Variants in MAML3 observed in about 807,000 individuals in gnomAD.
MAML3 encodes the protein mastermind like transcriptional coactivator 3.
A neutral mutation model predicts 101.9 loss-of-function variants in MAML3; 27 were observed. The observed-to-expected ratio is 0.27, with a 90% CI of 0.20 to 0.37. MAML3 has a LOEUF of 0.37. Ranked by LOEUF, MAML3 falls within the 10% of genes least tolerant of loss-of-function variation. The pLI, the probability that MAML3 is intolerant of heterozygous loss-of-function variation, is 1.00. For synonymous variants in MAML3, 501 were observed against 555.9 expected, an observed-to-expected ratio of 0.90 and a Z score of 1.39; for missense variants, 1,316 against 1,444.9, an observed-to-expected ratio of 0.91 and a Z score of 1.45.
At chr4:139,772,829 C>T (rs1730023213) in intron 2 of MAML3, among the ~76,000 whole-genome samples, 1 of 150,118 alleles carries the variant, frequency 6.7e-6, no homozygotes, top group African/African-American at 2.5e-5. Context: ...CCTGTAATCC[C>T]AGCACTTTGG....
intron 1 of MAML3, among the ~76,000 whole-genome samples, chr4:140,117,349 G>A (rs946369250): frequency 1.1e-4 from 16 of 152,050 alleles, no homozygotes; most frequent in African/African-American, 3.6e-4. Context: ...TTTACTTGGT[G>A]CTGCTGACCA....
At position 139,889,510 on chromosome 4, in the gene MAML3, TTGCTGTTGCTGC is replaced by T. The variant is rs760135314; in HGVS notation, c.1914_1925del (p.Gln647_Gln650del). Reference sequence around the variant, plus strand: ...GCTGCTGCTGCTGCTGCTGCTGCTGTTGCTGTTGCTGCTGCTGTTGCTGCTGCTGGATATACG... The same window carrying T: ...GCTGCTGCTGCTGCTGCTGCTGCTGTTGCTGTTGCTGCTGCTGGATATACG... On this transcript the variant is annotated inframe_deletion, in exon 2 of 5. Coordinates refer to ENST00000509479, the MANE Select transcript of MAML3 (RefSeq NM_018717.5). 297 of 1,606,228 alleles carry T rather than the reference TTGCTGTTGCTGC, an allele frequency of 1.8e-4. 6 individuals carry two copies. The highest frequency in any genetic ancestry group is 1.4e-3 in the South Asian group (127 of 90,796).
intron 1 of MAML3, among the ~76,000 whole-genome samples, chr4:139,917,961 G>A (rs1161663010): frequency 6.6e-6 from 1 of 152,008 alleles, no homozygotes; most frequent in South Asian, 2.1e-4. Context: ...CTTTATAAAG[G>A]GAATAATCAG....
intron 1 of MAML3, among the ~76,000 whole-genome samples, chr4:139,935,116 C>A (rs1218190066): frequency 6.6e-6 from 1 of 151,796 alleles, no homozygotes; most frequent in Non-Finnish European, 1.5e-5. Flanking sequence ...TACTGCCTAT[C>A]ACCCCCCTTC....
chr4:139,843,913 T>C (rs1731401313), intron 2 of MAML3, among the ~76,000 whole-genome samples: 2 of 152,352 alleles, frequency 1.3e-5, no homozygotes, highest in Non-Finnish European at 2.9e-5. Context: ...AGGAGAAAGC[T>C]TGGCCCACAG....
At chr4:139,947,013 CAA>C (rs1260523171) in intron 1 of MAML3, among the ~76,000 whole-genome samples, 4 of 151,686 alleles carry the variant, frequency 2.6e-5, no homozygotes, top group Non-Finnish European at 5.9e-5. Context: ...AGTAAAAACA[CAA>C]AGTTTTATTC....
At chr4:139,783,795 G>A (rs1272950000) in intron 2 of MAML3, among the ~76,000 whole-genome samples, 1 of 152,156 alleles carries the variant, frequency 6.6e-6, no homozygotes, top group Non-Finnish European at 1.5e-5. Flanking sequence ...CTAATAGCCA[G>A]GACCCTCCCA....
At chr4:139,789,567 G>T (rs1437548137) in intron 2 of MAML3, among the ~76,000 whole-genome samples, 1 of 152,184 alleles carries the variant, frequency 6.6e-6, no homozygotes, top group African/African-American at 2.4e-5. Flanking sequence ...ATGGCAGGGG[G>T]AAGGCCTGGG....
intron 1 of MAML3, among the ~76,000 whole-genome samples, chr4:139,987,314 G>T (rs878967375): frequency 6.6e-6 from 1 of 152,182 alleles, no homozygotes; most frequent in Non-Finnish European, 1.5e-5. Flanking sequence ...CAAAGAAAAT[G>T]ACTGGGCAGA....
At chr4:139,763,041 C>A (rs4863510) in intron 2 of MAML3, among the ~76,000 whole-genome samples, 60,197 of 152,016 alleles carry the variant, frequency 0.4, 12,229 homozygotes, top group South Asian at 0.53. Flanking sequence ...GGGAAACTGA[C>A]CAGTGGTATT....
At chr4:140,067,121 GGAA>G (rs1432661746) in intron 1 of MAML3, among the ~76,000 whole-genome samples, 1 of 152,078 alleles carries the variant, frequency 6.6e-6, no homozygotes, top group African/African-American at 2.4e-5. Context: ...TCTGGAAGCA[GGAA>G]GAAGAACTCA....
intron 2 of MAML3, among the ~76,000 whole-genome samples, chr4:139,804,589 C>T (rs1020522369): frequency 1.3e-5 from 2 of 152,078 alleles, no homozygotes; most frequent in African/African-American, 4.8e-5. Flanking sequence ...TTAATACATT[C>T]ATGGATCCCA....
intron 1 of MAML3, among the ~76,000 whole-genome samples, chr4:140,150,521 C>T (rs536350491): frequency 6.6e-6 from 1 of 152,362 alleles, no homozygotes; most frequent in South Asian, 2.1e-4. Context: ...GGTCCCCCAG[C>T]TGGCGAGGTA....
chr4:139,776,405 T>G (rs1730097183), intron 2 of MAML3, among the ~76,000 whole-genome samples: 1 of 152,106 alleles, frequency 6.6e-6, no homozygotes, highest in Non-Finnish European at 1.5e-5. Flanking sequence ...GAACCCTTCT[T>G]GGGAGGGTTA....
At chr4:139,949,554 T>C (rs1733797464) in intron 1 of MAML3, among the ~76,000 whole-genome samples, 1 of 152,254 alleles carries the variant, frequency 6.6e-6, no homozygotes, top group Non-Finnish European at 1.5e-5. Context: ...ACTTTTATTC[T>C]AAAGAAATAC....
intron 1 of MAML3, among the ~76,000 whole-genome samples, chr4:140,108,900 G>A (rs1248916694): frequency 6.6e-6 from 1 of 152,074 alleles, no homozygotes; most frequent in Non-Finnish European, 1.5e-5. Context: ...GCTCTCCAAG[G>A]AACACACTGC....
chr4:140,063,598 T>G (rs544438875), intron 1 of MAML3, among the ~76,000 whole-genome samples: 1 of 152,194 alleles, frequency 6.6e-6, no homozygotes, highest in South Asian at 2.1e-4. Flanking sequence ...TTCCCTTTTA[T>G]AGCTTGCTTT....
chr4:139,926,355 T>C (rs1375118489), intron 1 of MAML3, among the ~76,000 whole-genome samples: 1 of 152,114 alleles, frequency 6.6e-6, no homozygotes, highest in East Asian at 1.9e-4. Flanking sequence ...TCCTAACACT[T>C]TGGGAGGCCG....
At chr4:139,972,059 A>T (rs114755988) in intron 1 of MAML3, among the ~76,000 whole-genome samples, 3,086 of 151,842 alleles carry the variant, frequency 0.02, 122 homozygotes, top group African/African-American at 0.068. Flanking sequence ...CTTTTTTTTT[A>T]AAATTTCCAA....
Sources: allele counts gnomAD v4.1 joint callset (sites outside exome capture counted in the v4.1 genomes callset), GRCh38; gene constraint gnomAD v4.1.1; transcripts MANE v1.5; gene names NCBI Gene and HGNC (gene_info 2026-07-23, HGNC 2026-07-21).